Variants in DMD observed in about 807,000 individuals in gnomAD.
DMD encodes the protein dystrophin, also known as mutant dystrophin.
In DMD, 63 loss-of-function variants were observed where a neutral mutation model predicts 330.1. That is an observed-to-expected ratio of 0.19 (90% confidence interval 0.16 to 0.24). DMD has a LOEUF of 0.24. Ranked by LOEUF, DMD falls within the 10% of genes least tolerant of loss-of-function variation. The probability of loss-of-function intolerance (pLI) is 1.00; values close to 1 mark genes in which losing one functional copy is unlikely to be tolerated. For missense variants in DMD, 3,344 were observed against 2,684.1 expected, an observed-to-expected ratio of 1.25 and a Z score of -5.43; for synonymous variants, 1,223 against 959.8, an observed-to-expected ratio of 1.27 and a Z score of -5.07.
chrX:31,450,073 T>C (rs767429922), intron 59 of DMD, among the ~76,000 whole-genome samples: 2 of 110,457 alleles, frequency 1.8e-5, no homozygotes, highest in Non-Finnish European at 3.8e-5. Context: ...CCATGAATCC[T>C]TGTCAAACAA....
chrX:32,458,430 T>C (rs775152248), intron 25 of DMD, among the ~76,000 whole-genome samples: 1 of 111,669 alleles, frequency 9.0e-6, no homozygotes, highest in East Asian at 2.8e-4. Flanking sequence ...GTCTTGGCTA[T>C]TGTAAATATT....
At chrX:31,442,869 G>C (rs17338570) in intron 60 of DMD, among the ~76,000 whole-genome samples, 11,935 of 110,774 alleles carry the variant, frequency 0.11, 568 homozygotes, top group East Asian at 0.29. Flanking sequence ...CCTTGCTTTA[G>C]TCGATGCCAC....
chrX:33,101,066 ATTTGAAATTC>A (rs1233831803), intron 1 of DMD, among the ~76,000 whole-genome samples: 2 of 112,297 alleles, frequency 1.8e-5, no homozygotes, highest in Non-Finnish European at 3.8e-5. Context: ...TTTGCACAGC[ATTTGAAATTC>A]TTACATTAAA....
At chrX:32,886,527 C>G (rs1206631341) in intron 2 of DMD, among the ~76,000 whole-genome samples, 1 of 109,780 alleles carries the variant, frequency 9.1e-6, no homozygotes, top group Non-Finnish European at 1.9e-5. Flanking sequence ...ACTAAAAATA[C>G]AAAAAGTTAG....
intron 1 of DMD, among the ~76,000 whole-genome samples, chrX:33,289,540 T>A (rs1304415918): frequency 1.8e-5 from 2 of 111,803 alleles, no homozygotes; most frequent in Non-Finnish European, 3.8e-5. Context: ...AAAATTCTTT[T>A]AGGTGGTGTT....
intron 48 of DMD, among the ~76,000 whole-genome samples, chrX:31,841,397 G>A (rs2093316383): frequency 8.9e-6 from 1 of 112,034 alleles, no homozygotes; most frequent in Non-Finnish European, 1.9e-5. Flanking sequence ...AGTGCTGATG[G>A]AGAAGCTGCA....
chrX:32,448,513 T>C lies in DMD; in HGVS notation c.3729A>G (p.Leu1243=). The C allele has an allele frequency of 8.3e-7, 1 of 1,208,831 alleles. No individual in the cohort carries two copies. Among genetic ancestry groups the C allele is most frequent in the Non-Finnish European group, 1.1e-6 (1 of 893,400 alleles). The stretch of plus-strand genomic sequence containing the variant: ...TGCAGAGCCACTGGTAGTTGGTGGT[T>C]AGAGTTTCAAGTTCCTTTTTTAAGG... ...QEALKKELET[L]TTNYQWLCTR... The change falls in exon 27 of 79, where the codon CTA becomes CTG. Residue 1243 remains leucine (L), a synonymous_variant. Transcript: ENST00000357033.
intron 37 of DMD, among the ~76,000 whole-genome samples, chrX:32,353,920 G>T (rs1335066080): frequency 9.0e-6 from 1 of 111,118 alleles, no homozygotes; most frequent in Non-Finnish European, 1.9e-5. Flanking sequence ...GAAATTTAAG[G>T]CTTTGTTGAA....
intron 55 of DMD, among the ~76,000 whole-genome samples, chrX:31,621,117 T>C (rs186300869): frequency 2.1e-4 from 24 of 111,845 alleles, no homozygotes; most frequent in Non-Finnish European, 4.3e-4. Context: ...TCACAACTGT[T>C]TGCCATCTTG....
intron 60 of DMD, among the ~76,000 whole-genome samples, chrX:31,363,485 A>T (rs2059072317): frequency 9.9e-6 from 1 of 101,123 alleles, no homozygotes; most frequent in African/African-American, 3.7e-5. Flanking sequence ...GGTTCAAGCG[A>T]TTCTCCTGCC....
chrX:31,265,279 T>A (rs1254484703), intron 62 of DMD, among the ~76,000 whole-genome samples: 2 of 112,228 alleles, frequency 1.8e-5, no homozygotes, highest in Non-Finnish European at 3.8e-5. Flanking sequence ...GCGTGCTGAA[T>A]TGTTGAACTT....
intron 41 of DMD, among the ~76,000 whole-genome samples, chrX:32,333,993 T>G (rs907340544): frequency 1.8e-5 from 2 of 110,871 alleles, no homozygotes; most frequent in Non-Finnish European, 3.8e-5. Flanking sequence ...GCATTTGAAG[T>G]GAGGGGGTGA....
intron 32 of DMD, 42 bp from the exon 33 acceptor site, chrX:32,386,507 TA>T (rs1203382688): frequency 2.8e-6 from 3 of 1,072,810 alleles, no homozygotes; most frequent in Non-Finnish European, 3.9e-6. Flanking sequence ...TCAGTAGAGT[TA>T]AATTATTTCA....
chrX:32,740,656 C>T (rs1242313580), intron 7 of DMD, among the ~76,000 whole-genome samples: 2 of 111,313 alleles, frequency 1.8e-5, no homozygotes, highest in Admixed American at 1.9e-4. Flanking sequence ...AAATTGGCCT[C>T]GAATCTCATC....
intron 9 of DMD, among the ~76,000 whole-genome samples, chrX:32,672,042 T>C (rs1320134743): frequency 9.0e-6 from 1 of 111,705 alleles, no homozygotes; most frequent in East Asian, 2.8e-4. Flanking sequence ...CAATTTGTCA[T>C]TGTTTTATGA....
intron 7 of DMD, among the ~76,000 whole-genome samples, chrX:32,720,366 T>C (rs1405634835): frequency 8.9e-6 from 1 of 111,985 alleles, no homozygotes; most frequent in Non-Finnish European, 1.9e-5. Flanking sequence ...CTCATTGCTC[T>C]TCTTAGATAA....
intron 1 of DMD, among the ~76,000 whole-genome samples, chrX:33,263,301 A>T (rs1305094055): frequency 1.8e-5 from 2 of 109,976 alleles, no homozygotes; most frequent in African/African-American, 6.6e-5. Flanking sequence ...TCTCTTATAG[A>T]TCCTATATAT....
chrX:31,445,207 T>G (rs929394432), intron 59 of DMD, among the ~76,000 whole-genome samples: 1 of 111,887 alleles, frequency 8.9e-6, no homozygotes, highest in Admixed American at 9.5e-5. Context: ...TGATGAGCTC[T>G]ATTCATACAT....
chrX:33,012,605 A>G (rs1330510270), intron 2 of DMD, among the ~76,000 whole-genome samples: 1 of 111,424 alleles, frequency 9.0e-6, no homozygotes, highest in Non-Finnish European at 1.9e-5. Context: ...GTAAGGTGAT[A>G]CTCATTTAGT....
Sources: gnomAD v4.1 joint callset for allele counts (sites outside exome capture counted in the v4.1 genomes callset) on GRCh38, gnomAD v4.1.1 for gene constraint, MANE v1.5 for transcripts, NCBI Gene and HGNC (gene_info 2026-07-23, HGNC 2026-07-21) for gene names.